Variants in SNTB1 observed in about 807,000 individuals in gnomAD.
The protein encoded by SNTB1 is beta-1-syntrophin.
SNTB1 carries 36 observed loss-of-function variants against 48.9 expected under a neutral mutation model. The observed-to-expected ratio is 0.74, with a 90% confidence interval of 0.56 to 0.97. SNTB1 has a LOEUF of 0.97. Ranked by LOEUF, SNTB1 falls within the 50% of genes least tolerant of loss-of-function variation. The pLI is 0.00. For synonymous variants in SNTB1, 299 were observed against 294.6 expected (o/e 1.01, Z -0.15); for missense variants, 786 against 703.4 (o/e 1.12, Z -1.33).
chr8:120,552,866 G>A (rs535994088), intron 4 of SNTB1, among the ~76,000 whole-genome samples: 1 of 151,910 alleles, frequency 6.6e-6, no homozygotes, highest in South Asian at 2.1e-4. Flanking sequence ...GGAGCCCTGC[G>A]CTTGTTTTAC....
Position 120,538,778 on chromosome 8 carries a change from G to T in SNTB1, c.*99C>A. 2 of 978,238 alleles carry T rather than the reference G, an allele frequency of 2.0e-6. No homozygotes were observed. The highest frequency in any genetic ancestry group is 3.3e-6 in the Non-Finnish European group (2 of 603,466). 60.6% of individuals were successfully genotyped at this position (978,238 alleles called of 1,614,324 possible). A position where few individuals can be genotyped will look rare whatever the true frequency, so the allele number is the denominator to read the frequency against. Reference sequence around the variant, plus strand: ...TGAGAGCTAAAGCTGACTGTAGCACGCTACATCTGGTGCGCTGCTCACTAC... The same window carrying T: ...TGAGAGCTAAAGCTGACTGTAGCACTCTACATCTGGTGCGCTGCTCACTAC... On this transcript the variant is annotated 3_prime_UTR_variant, in exon 7 of 7. Transcript: ENST00000517992.
intron 4 of SNTB1, among the ~76,000 whole-genome samples, chr8:120,555,827 G>C (rs1815557473): frequency 6.6e-6 from 1 of 152,144 alleles, no homozygotes; most frequent in Non-Finnish European, 1.5e-5. Flanking sequence ...AAGAGGAAGA[G>C]AAGCCAAAAA....
At chr8:120,549,058 T>C in intron 4 of SNTB1, 100 bp from the exon 5 acceptor site, 1 of 972,908 alleles carries the variant, frequency 1.0e-6, no homozygotes, top group Admixed American at 2.9e-5. Flanking sequence ...TGCTCTCATT[T>C]TTCTGGTCTG....
At chr8:120,748,718 G>A (rs1487013951) in intron 1 of SNTB1, among the ~76,000 whole-genome samples, 1 of 152,186 alleles carries the variant, frequency 6.6e-6, no homozygotes, top group Non-Finnish European at 1.5e-5. Flanking sequence ...CCCAGCAAAA[G>A]ACTAGAATGG....
chr8:120,650,324 G>C (rs2129712800), intron 2 of SNTB1, among the ~76,000 whole-genome samples: 1 of 152,320 alleles, frequency 6.6e-6, no homozygotes, highest in South Asian at 2.1e-4. Flanking sequence ...CGTGAGAGCA[G>C]CATGAAACCA....
chr8:120,549,342 G>A (rs1815440420), intron 4 of SNTB1, among the ~76,000 whole-genome samples: 2 of 152,258 alleles, frequency 1.3e-5, no homozygotes, highest in African/African-American at 4.8e-5. Context: ...TATTTCCTGG[G>A]TTAGGCTTCA....
At chr8:120,718,748 AC>A (rs1399284941) in intron 1 of SNTB1, among the ~76,000 whole-genome samples, 9 of 152,206 alleles carry the variant, frequency 5.9e-5, no homozygotes, top group Middle Eastern at 3.4e-3. Context: ...ACTGAACCAA[AC>A]AAAAAGTTTA....
rs114809955 is a variant in SNTB1 at position 120,786,761 on chromosome 8, C to T, written c.571+24512G>A. Among the ~76,000 whole-genome samples, 1,290 of 152,258 alleles carry T rather than the reference C, an allele frequency of 8.5e-3. 22 individuals are homozygous for T. The highest frequency in any genetic ancestry group is 0.029 in the African/African-American group (1,203 of 41,542). On this transcript the variant is annotated intron_variant, in intron 1 of 6. Transcript: ENST00000517992. ...GGCTGTTGTGGCTCCTTCCCTTCCCCCTGAAATACCTCATTGCATTTCACT... is the reference window on the plus strand; with the variant it reads ...GGCTGTTGTGGCTCCTTCCCTTCCCTCTGAAATACCTCATTGCATTTCACT...
At chr8:120,575,788 C>G (rs4515597) in intron 3 of SNTB1, among the ~76,000 whole-genome samples, 69,642 of 151,914 alleles carry the variant, frequency 0.46, 18,624 homozygotes, top group Non-Finnish European at 0.62. Context: ...CATTCACCAC[C>G]CATAATTTAT....
chr8:120,760,547 G>A (rs943378504), intron 1 of SNTB1, among the ~76,000 whole-genome samples: 3 of 152,134 alleles, frequency 2.0e-5, no homozygotes, highest in Admixed American at 6.6e-5. Context: ...CCTGAGAGAG[G>A]TGGGTGAGGC....
rs79954435 is a variant in SNTB1, at chr8:120,592,838, A to T, written c.997-17613T>A. ...TGCAATTCCTAATTCTGAATAAGTG[A>T]ATTAAATGCCACTGGGGAGGTAACA... On this transcript the variant is annotated intron_variant, in intron 3 of 6. Transcript: ENST00000517992. Among the ~76,000 whole-genome samples the T allele has an allele frequency of 4.3e-3, 651 of 152,304 alleles. 2 individuals carry two copies. Among genetic ancestry groups the T allele is most frequent in the Non-Finnish European group, 7.3e-3 (495 of 68,024 alleles).
At chr8:120,758,909 T>TC (rs1819363749) in intron 1 of SNTB1, among the ~76,000 whole-genome samples, 1 of 152,144 alleles carries the variant, frequency 6.6e-6, no homozygotes, top group South Asian at 2.1e-4. Context: ...GCATGGACCC[T>TC]CCTTGGCAGC....
chr8:120,544,470 G>C (rs555214821), intron 5 of SNTB1, among the ~76,000 whole-genome samples: 2 of 152,202 alleles, frequency 1.3e-5, no homozygotes, highest in South Asian at 4.2e-4. Flanking sequence ...ATTATAACTG[G>C]ATCACACTTT....
chr8:120,585,218 G>A (rs1004027823), intron 3 of SNTB1, among the ~76,000 whole-genome samples: 3 of 152,188 alleles, frequency 2.0e-5, no homozygotes, highest in African/African-American at 7.2e-5. Flanking sequence ...GTTCTGAGAG[G>A]TTATATCCTG....
intron 2 of SNTB1, among the ~76,000 whole-genome samples, chr8:120,648,758 G>A (rs1587061752): frequency 1.3e-5 from 2 of 152,296 alleles, no homozygotes; most frequent in South Asian, 2.1e-4. Context: ...ATCTTGCAGA[G>A]TGTTTTCCAA....
At chr8:120,605,952 AG>A (rs1280127862) in intron 3 of SNTB1, among the ~76,000 whole-genome samples, 1 of 152,030 alleles carries the variant, frequency 6.6e-6, no homozygotes, top group Non-Finnish European at 1.5e-5. Context: ...CCAAGGTGGG[AG>A]GCTTGGCAAG....
At chr8:120,544,893 C>T (rs1167134837) in intron 5 of SNTB1, among the ~76,000 whole-genome samples, 3 of 149,648 alleles carry the variant, frequency 2.0e-5, no homozygotes, top group Non-Finnish European at 4.4e-5. Context: ...CATTTGAGGA[C>T]ACTAATTAGT....
intron 1 of SNTB1, 62 bp downstream of exon 1, chr8:120,811,211 G>A: frequency 6.6e-7 from 1 of 1,523,010 alleles, no homozygotes; most frequent in Non-Finnish European, 8.7e-7. Flanking sequence ...GTGAGCGTGC[G>A]GGTGGGAAGC....
chr8:120,742,467 T>A (rs953338754), intron 1 of SNTB1, among the ~76,000 whole-genome samples: 1 of 152,216 alleles, frequency 6.6e-6, no homozygotes, highest in Non-Finnish European at 1.5e-5. Flanking sequence ...TATTTCTGAT[T>A]TATTTCTTAC....
Sources: allele counts gnomAD v4.1 joint callset (sites outside exome capture counted in the v4.1 genomes callset), GRCh38; gene constraint gnomAD v4.1.1; transcripts MANE v1.5; gene names NCBI Gene and HGNC (gene_info 2026-07-23, HGNC 2026-07-21).